The following KCTD6 variants were observed in gnomAD, a reference collection of about 807,000 sequenced individuals.
KCTD6 encodes potassium channel tetramerization domain containing 6, also known as BTB/POZ domain-containing protein KCTD6.
In KCTD6, 6 loss-of-function variants were observed where a neutral mutation model predicts 18.7. The ratio of observed to expected loss-of-function variants is 0.32; its 90% confidence interval spans 0.18 to 0.63. KCTD6 has a LOEUF of 0.63. Among genes scored for constraint, KCTD6 ranks in the 30% least tolerant of loss-of-function variants. The probability of loss-of-function intolerance (pLI) is 0.79; values close to 1 mark genes in which losing one functional copy is unlikely to be tolerated. For missense variants in KCTD6, 165 were observed against 300.2 expected (o/e 0.55, Z 3.33); for synonymous variants, 86 against 108.5 (o/e 0.79, Z 1.29).
At position 58,493,481 on chromosome 3, in the gene KCTD6, C is replaced by G. The variant is rs937874225; in HGVS notation, c.-44+1312C>G. 2.6e-5 allele frequency among the ~76,000 whole-genome samples: 4 copies of G among 152,218 alleles called. No homozygotes were observed. Among genetic ancestry groups the G allele is most frequent in the African/African-American group, 9.7e-5 (4 of 41,446 alleles). ...TGGAGTACCTGTATGTATTTGGATT[C>G]AGCTTTAACTTGGAGATAATCCCGA... On this transcript the variant is annotated intron_variant, in intron 1 of 2. Coordinates refer to ENST00000404589, the MANE Select transcript of KCTD6 (RefSeq NM_001128214.2). This position sits in a 1 kb window ranked among gnomAD's most constrained non-coding sequence, Gnocchi z 4.5.
chr3:58,497,415 G>A lies in KCTD6; in HGVS notation c.-43-1298G>A, dbSNP rs2063179510. Among the ~76,000 whole-genome samples the A allele has an allele frequency of 6.6e-6, 1 of 152,236 alleles. No individual in the cohort carries two copies. The highest frequency in any genetic ancestry group is 1.5e-5 in the Non-Finnish European group (1 of 68,040). On this transcript the variant is annotated intron_variant, in intron 1 of 2. Transcript: ENST00000404589. This position sits in a 1 kb window ranked among gnomAD's most constrained non-coding sequence, Gnocchi z 4.2. ...ATCTGTTAAAGGACCACGTAAAAAA[G>A]CCAGTGCTTTTCCTGGATGAATACC...
At position 58,501,128 on chromosome 3, in the gene KCTD6, C is replaced by T. The variant is rs368661447; in HGVS notation, c.210C>T (p.Asn70=). 2 of 1,614,048 alleles carry T rather than the reference C, an allele frequency of 1.2e-6. No homozygotes were observed. Among genetic ancestry groups the T allele is most frequent in the African/African-American group, 2.7e-5 (2 of 74,930 alleles). Residue 70 remains asparagine (N), a synonymous_variant, in exon 3 of 3, where the codon AAC becomes AAT. Transcript: ENST00000404589. This position sits in a 1 kb window ranked among gnomAD's most constrained non-coding sequence, Gnocchi z 9.7. ...GACCTCTTTTCCGATATGTCCTCAA[C>T]TTCTTAAGAACTTCAGAATTGACCT... ...RDGPLFRYVL[N]FLRTSELTLP...
chr3:58,492,613 C>T lies in KCTD6; in HGVS notation c.-44+444C>T, dbSNP rs1242848917. 3.3e-5 allele frequency among the ~76,000 whole-genome samples: 5 copies of T among 152,150 alleles called. No homozygotes were observed. The highest frequency in any genetic ancestry group is 1.2e-4 in the African/African-American group (5 of 41,438). ...GATGGCGCTTATTAGCCACCAATTGCCCTAGTTTAAAGCTTGAGGCAGGAC... is the reference window on the plus strand; with the variant it reads ...GATGGCGCTTATTAGCCACCAATTGTCCTAGTTTAAAGCTTGAGGCAGGAC... On this transcript the variant is annotated intron_variant, in intron 1 of 2. Coordinates refer to ENST00000404589, the MANE Select transcript of KCTD6 (RefSeq NM_001128214.2). The surrounding 1 kb of genome is among the most constrained non-coding windows in gnomAD (Gnocchi z 6.1).
In KCTD6 at chr3:58,501,542, C is replaced by T. The variant is rs145469072; in HGVS notation, c.624C>T (p.Thr208=). The change falls in exon 3 of 3, where the codon ACC becomes ACT. Residue 208 remains threonine (T), a synonymous_variant. Coordinates refer to ENST00000404589, the MANE Select transcript of KCTD6 (RefSeq NM_001128214.2). The surrounding 1 kb of genome is among the most constrained non-coding windows in gnomAD (Gnocchi z 9.7). ...ITKQGFTIRN[T]RVHHMSERAN... ...AACAAGGTTTCACGATCCGCAACACCCGGGTGCATCACATGAGTGAGCGGG... is the reference window on the plus strand; with the variant it reads ...AACAAGGTTTCACGATCCGCAACACTCGGGTGCATCACATGAGTGAGCGGG... 8.1e-6 allele frequency: 12 copies of T among 1,487,438 alleles called. No homozygotes were observed. The highest frequency in any genetic ancestry group is 1.1e-5 in the Non-Finnish European group (12 of 1,121,150). 92.1% of individuals were successfully genotyped at this position (1,487,438 alleles called of 1,614,324 possible).
chr3:58,496,685 G>T lies in KCTD6; in HGVS notation c.-43-2028G>T, dbSNP rs2063176666. The stretch of plus-strand genomic sequence containing the variant: ...TGGTCCATCTGTTATACAGCACTTT[G>T]AATTCTGTTCTGTACTTCAGTCATT... On this transcript the variant is annotated intron_variant, in intron 1 of 2. Transcript: ENST00000404589. The surrounding 1 kb of genome is among the most constrained non-coding windows in gnomAD (Gnocchi z 5.1). 6.6e-6 allele frequency among the ~76,000 whole-genome samples: 1 copy of T among 152,130 alleles called. No individual in the cohort carries two copies. The highest frequency in any genetic ancestry group is 1.9e-4 in the East Asian group (1 of 5,188).
At position 58,497,431 on chromosome 3, in the gene KCTD6, G is replaced by T. The variant is rs772836583; in HGVS notation, c.-43-1282G>T. Among the ~76,000 whole-genome samples, 14 of 152,214 alleles carry T rather than the reference G, an allele frequency of 9.2e-5. No homozygotes were observed. The highest frequency in any genetic ancestry group is 2.1e-4 in the Non-Finnish European group (14 of 68,040). On this transcript the variant is annotated intron_variant, in intron 1 of 2. Coordinates refer to ENST00000404589, the MANE Select transcript of KCTD6 (RefSeq NM_001128214.2). The surrounding 1 kb of genome is among the most constrained non-coding windows in gnomAD (Gnocchi z 4.2). ...CGTAAAAAAGCCAGTGCTTTTCCTG[G>T]ATGAATACCAATAAGTCCATGTTTC...
chr3:58,495,451 A>G (rs182992352), intron 1 of KCTD6, among the ~76,000 whole-genome samples: 3 of 152,348 alleles, frequency 2.0e-5, no homozygotes, highest in Non-Finnish European at 2.9e-5. Flanking sequence ...ATGGTCGTCA[A>G]TTCAGAATTC....
downstream of KCTD6, chr3:58,502,358 TAA>T (rs1000716393): frequency 6.6e-6 from 1 of 152,438 alleles, no homozygotes; most frequent in Admixed American, 6.5e-5. Context: ...ATATGAAAAT[TAA>T]GTTTGTATTT....
chr3:58,500,905 TA>T, intron 2 of KCTD6, 40 bp from the exon 3 acceptor site: 1 of 1,338,870 alleles, frequency 7.5e-7, no homozygotes, highest in African/African-American at 1.5e-5. Context: ...AGTTAGTATT[TA>T]AAAATTTCAG....
At position 58,502,217 on chromosome 3, in the gene KCTD6, A is replaced by G. The variant is rs1174913498; in HGVS notation, c.*585A>G. ...TCTGTAGCCATGGAAATGTCTGACT[A>G]GAAATATTTATATTGAATTCTGAAT... On this transcript the variant is annotated 3_prime_UTR_variant, in exon 3 of 3. Transcript: ENST00000404589. 2.6e-5 allele frequency: 4 copies of G among 152,624 alleles called. No homozygotes were observed. The highest frequency in any genetic ancestry group is 5.9e-5 in the Non-Finnish European group (4 of 68,042). The allele number at this position is 152,624 out of a possible 1,614,324, so 9.5% of individuals were successfully genotyped here.
Position 58,493,455 on chromosome 3 carries a change from A to G in KCTD6, c.-44+1286A>G, listed in dbSNP as rs2063163509. On this transcript the variant is annotated intron_variant, in intron 1 of 2. Coordinates refer to ENST00000404589, the MANE Select transcript of KCTD6 (RefSeq NM_001128214.2). This position sits in a 1 kb window ranked among gnomAD's most constrained non-coding sequence, Gnocchi z 4.5. ...TTTTGATATTTGGGGTCCATTTAAA[A>G]TGGAGTACCTGTATGTATTTGGATT... Among the ~76,000 whole-genome samples, 1 of 152,242 alleles carries G rather than the reference A, an allele frequency of 6.6e-6. No homozygotes were observed. The highest frequency in any genetic ancestry group is 1.5e-5 in the Non-Finnish European group (1 of 68,044).
In KCTD6 at chr3:58,498,331, A is replaced by T. The variant is rs969988728; in HGVS notation, c.-43-382A>T. On this transcript the variant is annotated intron_variant, in intron 1 of 2. Coordinates refer to ENST00000404589, the MANE Select transcript of KCTD6 (RefSeq NM_001128214.2). This position sits in a 1 kb window ranked among gnomAD's most constrained non-coding sequence, Gnocchi z 4.6. ...TTGGTGAGGACCATTATAGGTTTGTACCAGGATAAGGTTGTAGAGTTAATC... is the reference window on the plus strand; with the variant it reads ...TTGGTGAGGACCATTATAGGTTTGTTCCAGGATAAGGTTGTAGAGTTAATC... 1 of 158,884 alleles carries T rather than the reference A, an allele frequency of 6.3e-6. No homozygotes were observed. Among genetic ancestry groups the T allele is most frequent in the African/African-American group, 2.4e-5 (1 of 41,500 alleles). 9.8% of individuals were successfully genotyped at this position (158,884 alleles called of 1,614,324 possible).
In KCTD6 at chr3:58,492,866, G is replaced by A. The variant is rs1272365033; in HGVS notation, c.-44+697G>A. Among the ~76,000 whole-genome samples the A allele has an allele frequency of 6.6e-6, 1 of 152,170 alleles. No individual in the cohort carries two copies. Among genetic ancestry groups the A allele is most frequent in the Non-Finnish European group, 1.5e-5 (1 of 68,026 alleles). ...ATGAAACGTGACAGAGATCCTGTTTGGATATTCTGCCGAAGTTACCATGTT... is the reference window on the plus strand; with the variant it reads ...ATGAAACGTGACAGAGATCCTGTTTAGATATTCTGCCGAAGTTACCATGTT... On this transcript the variant is annotated intron_variant, in intron 1 of 2. Coordinates refer to ENST00000404589, the MANE Select transcript of KCTD6 (RefSeq NM_001128214.2). This position sits in a 1 kb window ranked among gnomAD's most constrained non-coding sequence, Gnocchi z 6.1.
chr3:58,496,649 C>A lies in KCTD6; in HGVS notation c.-43-2064C>A, dbSNP rs547490582. On this transcript the variant is annotated intron_variant, in intron 1 of 2. Transcript: ENST00000404589. The surrounding 1 kb of genome is among the most constrained non-coding windows in gnomAD (Gnocchi z 5.1). ...TTGAAATCTTGCTTTTCCCCTCTCA[C>A]GGGCCTCTGCTGGTCCATCTGTTAT... Among the ~76,000 whole-genome samples, 4 of 152,220 alleles carry A rather than the reference C, an allele frequency of 2.6e-5. No homozygotes were observed. Among genetic ancestry groups the A allele is most frequent in the Non-Finnish European group, 5.9e-5 (4 of 68,040 alleles).
At chr3:58,500,841 G>T (rs2063201753) in intron 2 of KCTD6, 105 bp from the exon 3 acceptor site, 3 of 713,154 alleles carry the variant, frequency 4.2e-6, no homozygotes, top group Non-Finnish European at 2.3e-6. Flanking sequence ...ATACATTATA[G>T]CCTGAAAGAA....
intron 2 of KCTD6, among the ~76,000 whole-genome samples, 153 bp from the exon 3 acceptor site, chr3:58,500,793 G>A (rs921003901): frequency 6.6e-6 from 1 of 152,004 alleles, no homozygotes; most frequent in Non-Finnish European, 1.5e-5. Flanking sequence ...TGGGTTTATT[G>A]CTGGTAGTAA....
rs1560205213 is a variant in KCTD6, at chr3:58,501,046, G to C, written c.128G>C (p.Gly43Ala). 2 of 1,613,972 alleles carry C rather than the reference G, an allele frequency of 1.2e-6. No individual in the cohort carries two copies. The highest frequency in any genetic ancestry group is 1.7e-6 in the Non-Finnish European group (2 of 1,179,924). The change falls in exon 3 of 3, where the codon GGG (glycine) becomes GCG (alanine). Residue 43 changes from glycine to alanine, a missense_variant. Transcript: ENST00000404589. The surrounding 1 kb of genome is among the most constrained non-coding windows in gnomAD (Gnocchi z 9.7). ...YPDSMLGAMF[G>A]GDFPTARDPQ... ...GATTCCATGCTTGGAGCTATGTTTGGGGGGGACTTCCCCACAGCTCGAGAC... is the reference window on the plus strand; with the variant it reads ...GATTCCATGCTTGGAGCTATGTTTGCGGGGGACTTCCCCACAGCTCGAGAC...
rs544111355 is a variant in KCTD6, at chr3:58,493,580, C to A, written c.-44+1411C>A. On this transcript the variant is annotated intron_variant, in intron 1 of 2. Coordinates refer to ENST00000404589, the MANE Select transcript of KCTD6 (RefSeq NM_001128214.2). The surrounding 1 kb of genome is among the most constrained non-coding windows in gnomAD (Gnocchi z 4.5). ...GTGAACTCTGGGAAAACTAGACACT[C>A]CCCTTTACCTGTATATAGTTCTCCC... 1.8e-4 allele frequency among the ~76,000 whole-genome samples: 27 copies of A among 152,292 alleles called. No homozygotes were observed. The highest frequency in any genetic ancestry group is 6.5e-4 in the African/African-American group (27 of 41,564).
rs1576979657 is a variant in KCTD6, at chr3:58,498,993, G to A, written c.27+211G>A. Among the ~76,000 whole-genome samples the A allele has an allele frequency of 6.7e-6, 1 of 149,504 alleles. No individual in the cohort carries two copies. Among genetic ancestry groups the A allele is most frequent in the East Asian group, 2.1e-4 (1 of 4,766 alleles). The stretch of plus-strand genomic sequence containing the variant: ...AATTTTTATTTAATTTTTTTTATGT[G>A]GAGTCTCGCCTTCTTGCCCAGGCTG... On this transcript the variant is annotated intron_variant, in intron 2 of 2. Coordinates refer to ENST00000404589, the MANE Select transcript of KCTD6 (RefSeq NM_001128214.2). This position sits in a 1 kb window ranked among gnomAD's most constrained non-coding sequence, Gnocchi z 4.6.
Sources: allele counts gnomAD v4.1 joint callset (sites outside exome capture counted in the v4.1 genomes callset), GRCh38; gene constraint gnomAD v4.1.1; non-coding constraint Gnocchi (gnomAD v3.1); transcripts MANE v1.5; gene names NCBI Gene and HGNC (gene_info 2026-07-23, HGNC 2026-07-21).